The following CDH18 variants were observed in gnomAD, a reference collection of about 807,000 sequenced individuals.
CDH18 encodes the protein cadherin-18.
In CDH18, 31 loss-of-function variants were observed where a neutral mutation model predicts 67.9. That is an observed-to-expected ratio of 0.46 (90% CI 0.34 to 0.62). The LOEUF is 0.62. Ranked by LOEUF, CDH18 falls within the 20% of genes least tolerant of loss-of-function variation. The pLI, the probability that CDH18 is intolerant of heterozygous loss-of-function variation, is 0.01. For synonymous variants in CDH18, 362 were observed against 347.2 expected (o/e 1.04, Z -0.48); for missense variants, 890 against 975.5 (o/e 0.91, Z 1.17).
intron 2 of CDH18, among the ~76,000 whole-genome samples, chr5:20,240,427 T>G (rs1237834310): frequency 6.6e-6 from 1 of 152,156 alleles, no homozygotes; most frequent in Non-Finnish European, 1.5e-5. Context: ...TTTTATAAAT[T>G]TGAAGAATGC....
chr5:20,148,569 G>T (rs1311405759), intron 2 of CDH18, among the ~76,000 whole-genome samples: 1 of 152,104 alleles, frequency 6.6e-6, no homozygotes, highest in Non-Finnish European at 1.5e-5. Context: ...TATTTTGCCA[G>T]GTTGCGTATG....
At chr5:19,569,426 G>T (rs1355483428) in intron 8 of CDH18, among the ~76,000 whole-genome samples, 7 of 152,284 alleles carry the variant, frequency 4.6e-5, no homozygotes, top group Admixed American at 4.6e-4. Context: ...ACAGTGTGAT[G>T]GTTAATTGTA....
At position 20,427,572 on chromosome 5, in the gene CDH18, A is replaced by G. The variant is rs113006472; in HGVS notation, c.-580+147890T>C. Among the ~76,000 whole-genome samples the G allele has an allele frequency of 4.9e-4, 74 of 151,302 alleles. 5 individuals are homozygous for G. Among genetic ancestry groups the G allele is most frequent in the African/African-American group, 1.6e-3 (65 of 40,620 alleles). On this transcript the variant is annotated intron_variant, in intron 1 of 14. Coordinates refer to the CDH18 transcript ENST00000507958. ...ACACATATTCACTCTGTTTCTGCTT[A>G]TACTTGGTGAATTTTTTGAGCACTG...
At chr5:20,405,766 G>T (rs1746190653) in intron 1 of CDH18, among the ~76,000 whole-genome samples, 1 of 152,102 alleles carries the variant, frequency 6.6e-6, no homozygotes, top group African/African-American at 2.4e-5. Context: ...TCAAAAAGTG[G>T]GTGAAGGATA....
intron 1 of CDH18, among the ~76,000 whole-genome samples, chr5:20,472,376 A>G (rs1454912359): frequency 6.6e-6 from 1 of 152,182 alleles, no homozygotes; most frequent in Non-Finnish European, 1.5e-5. Context: ...TAAATAAAGG[A>G]GATTAGTGTT....
intron 2 of CDH18, among the ~76,000 whole-genome samples, chr5:19,948,442 C>T (rs566020141): frequency 1.3e-5 from 2 of 152,174 alleles, no homozygotes; most frequent in African/African-American, 4.8e-5. Flanking sequence ...ATACACGCAA[C>T]GACTTGGACA....
intron 1 of CDH18, among the ~76,000 whole-genome samples, chr5:20,459,834 A>G (rs1259912670): frequency 6.6e-6 from 1 of 152,154 alleles, no homozygotes; most frequent in African/African-American, 2.4e-5. Context: ...ACACTACCTA[A>G]TTCAGCTTTA....
chr5:20,549,378 T>C (rs774291717), intron 1 of CDH18, among the ~76,000 whole-genome samples: 1 of 152,150 alleles, frequency 6.6e-6, no homozygotes, highest in African/African-American at 2.4e-5. Flanking sequence ...GTGTGTCTTC[T>C]AATTTTTGTT....
intron 8 of CDH18, among the ~76,000 whole-genome samples, chr5:19,558,886 T>C (rs939923124): frequency 3.3e-5 from 5 of 151,548 alleles, no homozygotes; most frequent in African/African-American, 1.2e-4. Flanking sequence ...CGGATGAACA[T>C]ATATGCATCA....
chr5:20,167,847 CCTGATATCTCTTGCCAG>C (rs1736411855), intron 2 of CDH18, among the ~76,000 whole-genome samples: 1 of 152,132 alleles, frequency 6.6e-6, no homozygotes, highest in African/African-American at 2.4e-5. Context: ...CTACTTTCTG[CCTGATATCTCTTGCCAG>C]GGCACCAATT....
chr5:20,078,765 G>A (rs759067904), intron 2 of CDH18, among the ~76,000 whole-genome samples: 20 of 151,770 alleles, frequency 1.3e-4, no homozygotes, highest in Non-Finnish European at 2.6e-4. Flanking sequence ...ACCACGCCCA[G>A]CTAATATATT....
At chr5:19,926,710 G>A (rs1184486649) in intron 2 of CDH18, among the ~76,000 whole-genome samples, 1 of 151,898 alleles carries the variant, frequency 6.6e-6, no homozygotes, top group Non-Finnish European at 1.5e-5. Context: ...AAATGATTTG[G>A]TAAGGCATGA....
At chr5:20,125,161 C>T (rs1293067693) in intron 2 of CDH18, among the ~76,000 whole-genome samples, 1 of 152,212 alleles carries the variant, frequency 6.6e-6, no homozygotes, top group Non-Finnish European at 1.5e-5. Flanking sequence ...CATCTGCATA[C>T]AGTGCAGTTT....
chr5:20,387,648 T>G (rs1288907730), intron 1 of CDH18, among the ~76,000 whole-genome samples: 1 of 152,074 alleles, frequency 6.6e-6, no homozygotes, highest in East Asian at 1.9e-4. Context: ...CTTGTGCCAG[T>G]TTTCAAAGGG....
rs181290796 is a variant in CDH18, at chr5:20,327,791, G to A, written c.-579-72286C>T. 1.1e-4 allele frequency among the ~76,000 whole-genome samples: 16 copies of A among 152,156 alleles called. No homozygotes were observed. In the East Asian group the frequency reaches 2.9e-3, roughly 28 times the overall value. On this transcript the variant is annotated intron_variant, in intron 1 of 14. Coordinates refer to the CDH18 transcript ENST00000507958. ...ATTGGGAATGTGACCTTAGAGAAAA[G>A]TTCTGGGAGGGCAAGGTGGGAGGAT...
At chr5:20,397,153 T>C (rs1335145847) in intron 1 of CDH18, among the ~76,000 whole-genome samples, 1 of 152,162 alleles carries the variant, frequency 6.6e-6, no homozygotes, top group East Asian at 1.9e-4. Context: ...TGTTTTCAAA[T>C]GGAGTCTTGC....
Position 19,925,894 on chromosome 5 carries a change from T to G in CDH18, c.-257+55166A>C, listed in dbSNP as rs907359263. Among the ~76,000 whole-genome samples the G allele has an allele frequency of 1.2e-4, 19 of 152,344 alleles. No homozygotes were observed. In the Middle Eastern group the frequency reaches 0.01, roughly 82 times the overall value. ...TTTAATTCTGTATCTTTACATTTGTTGATTCAACTGGGAATGGCACCAGGT... is the reference window on the plus strand; with the variant it reads ...TTTAATTCTGTATCTTTACATTTGTGGATTCAACTGGGAATGGCACCAGGT... On this transcript the variant is annotated intron_variant, in intron 2 of 12. Coordinates refer to ENST00000382275, the MANE Select transcript of CDH18 (RefSeq NM_004934.5).
chr5:19,517,861 A>G (rs1260858027), intron 10 of CDH18, among the ~76,000 whole-genome samples: 1 of 151,904 alleles, frequency 6.6e-6, no homozygotes, highest in Admixed American at 6.6e-5. Flanking sequence ...TCCATGCTTC[A>G]ACATGGATTT....
intron 2 of CDH18, among the ~76,000 whole-genome samples, chr5:20,095,058 GA>G (rs1745771013): frequency 1.3e-5 from 2 of 151,830 alleles, no homozygotes; most frequent in Non-Finnish European, 2.9e-5. Context: ...CACAGGGACA[GA>G]AAAACAAACA....
Sources: allele counts gnomAD v4.1 joint callset (sites outside exome capture counted in the v4.1 genomes callset), GRCh38; gene constraint gnomAD v4.1.1; transcripts MANE v1.5; gene names NCBI Gene and HGNC (gene_info 2026-07-23, HGNC 2026-07-21).